REEP3: variants seen among roughly 807,000 people sequenced by gnomAD.
The protein encoded by REEP3 is receptor accessory protein 3, also known as receptor expression-enhancing protein 3.
In REEP3, 20 loss-of-function variants were observed where a neutral mutation model predicts 41.3. That is an observed-to-expected ratio of 0.48 (90% confidence interval 0.34 to 0.70). The LOEUF (loss-of-function observed/expected upper bound fraction) is 0.70. Among genes scored for constraint, REEP3 ranks in the 30% least tolerant of loss-of-function variants. The pLI is 0.01. For missense variants in REEP3, 271 were observed against 308.8 expected (o/e 0.88, Z 0.92); for synonymous variants, 104 against 101.8 (o/e 1.02, Z -0.13).
rs1274223677 is a variant in REEP3 at position 63,599,234 on chromosome 10, G to A, written c.368G>A (p.Arg123Gln). 5.7e-6 allele frequency: 9 copies of A among 1,588,174 alleles called. No homozygotes were observed. Among genetic ancestry groups the A allele is most frequent in the African/African-American group, 1.4e-5 (1 of 73,362 alleles). ...TATGAAACCATGGTAAACTTTGGAC[G>A]GCAAGGTTTAAACCTTGCAGCTACT... ...RGYETMVNFGRQGLNLAATAA... is the reference protein window; with the variant it reads ...RGYETMVNFGQQGLNLAATAA... The change falls in exon 5 of 8, where the codon CGG becomes CAG. Residue 123 changes from arginine to glutamine, a missense_variant. Coordinates refer to ENST00000373758, the MANE Select transcript of REEP3 (RefSeq NM_001001330.3).
intron 2 of REEP3, among the ~76,000 whole-genome samples, chr10:63,569,352 C>T (rs1955832505): frequency 6.6e-6 from 1 of 151,894 alleles, no homozygotes; most frequent in Non-Finnish European, 1.5e-5. Context: ...AACATTGGGC[C>T]CATTTCACCT....
At chr10:63,571,897 A>G (rs1474090009) in intron 2 of REEP3, among the ~76,000 whole-genome samples, 2 of 152,204 alleles carry the variant, frequency 1.3e-5, no homozygotes, top group Non-Finnish European at 2.9e-5. Context: ...TATTTTATTC[A>G]TTCTATTCTA....
At chr10:63,561,175 C>T (rs1955736197) in intron 1 of REEP3, among the ~76,000 whole-genome samples, 1 of 152,112 alleles carries the variant, frequency 6.6e-6, no homozygotes, top group South Asian at 2.1e-4. Context: ...AGCACCAAAT[C>T]CTTCGTATGT....
intron 1 of REEP3, among the ~76,000 whole-genome samples, chr10:63,549,795 A>G (rs1955611424): frequency 6.6e-6 from 1 of 152,234 alleles, no homozygotes; most frequent in Non-Finnish European, 1.5e-5. Flanking sequence ...GGAAGCTAGA[A>G]TGATCCACGT....
intron 1 of REEP3, among the ~76,000 whole-genome samples, chr10:63,563,500 A>T (rs1955763495): frequency 6.6e-6 from 1 of 152,112 alleles, no homozygotes; most frequent in Non-Finnish European, 1.5e-5. Flanking sequence ...GATGCCTGAA[A>T]CCACGGATAA....
At chr10:63,550,546 GA>G (rs1955618652) in intron 1 of REEP3, among the ~76,000 whole-genome samples, 1 of 152,146 alleles carries the variant, frequency 6.6e-6, no homozygotes, top group African/African-American at 2.4e-5. Flanking sequence ...TAGGGGTGGG[GA>G]TAAGTTAAAT....
At chr10:63,616,890 G>A (rs1027165273) in intron 6 of REEP3, among the ~76,000 whole-genome samples, 6 of 151,778 alleles carry the variant, frequency 4.0e-5, no homozygotes, top group African/African-American at 7.3e-5. Flanking sequence ...TAAGAATTTG[G>A]CAAGTAAAAA....
At position 63,538,195 on chromosome 10, in the gene REEP3, C is replaced by T. The variant is rs1161860705; in HGVS notation, c.32+16618C>T. ...TCTTATTTTTCATGATATTTCTTGCCTATTTTGTTAGTTTAGCCTATCAAA... is the reference window on the plus strand; with the variant it reads ...TCTTATTTTTCATGATATTTCTTGCTTATTTTGTTAGTTTAGCCTATCAAA... On this transcript the variant is annotated intron_variant, in intron 1 of 7. Coordinates refer to ENST00000373758, the MANE Select transcript of REEP3 (RefSeq NM_001001330.3). Among the ~76,000 whole-genome samples, 4 of 152,052 alleles carry T rather than the reference C, an allele frequency of 2.6e-5. No individual in the cohort carries two copies. The South Asian group carries it at 6.2e-4, about 24-fold the overall frequency.
intron 1 of REEP3, among the ~76,000 whole-genome samples, chr10:63,557,368 T>A (rs1401599518): frequency 1.3e-5 from 2 of 152,230 alleles, no homozygotes. Flanking sequence ...TAATGAGTTT[T>A]TGACTATTTC....
At chr10:63,599,309 C>A in intron 5 of REEP3, 26 bp downstream of exon 5, 2 of 1,047,562 alleles carry the variant, frequency 1.9e-6, no homozygotes, top group Non-Finnish European at 2.8e-6. Context: ...CCTTTTTAAT[C>A]CAATGTCATA....
At chr10:63,567,175 C>T (rs1440226796) in intron 2 of REEP3, among the ~76,000 whole-genome samples, 2 of 152,084 alleles carry the variant, frequency 1.3e-5, no homozygotes, top group African/African-American at 4.8e-5. Context: ...GAGATAACAG[C>T]ACATCAATAA....
chr10:63,599,610 C>A, intron 5 of REEP3: 1 of 750,764 alleles, frequency 1.3e-6, no homozygotes, highest in Non-Finnish European at 1.6e-6. Context: ...ATTTCTCTGT[C>A]TTTGGTGTTC....
chr10:63,618,295 G>T (rs1356559203), intron 6 of REEP3, among the ~76,000 whole-genome samples: 20 of 132,318 alleles, frequency 1.5e-4, no homozygotes, highest in Admixed American at 1.5e-3. Flanking sequence ...ACCCAGGCTG[G>T]AGTGCAGTGG....
intron 1 of REEP3, among the ~76,000 whole-genome samples, chr10:63,547,237 A>G (rs1009833206): frequency 6.6e-6 from 1 of 152,188 alleles, no homozygotes; most frequent in Non-Finnish European, 1.5e-5. Flanking sequence ...CACGACTTTA[A>G]GATAACCAAA....
chr10:63,605,976 G>C (rs12779973), intron 5 of REEP3: 53,254 of 241,910 alleles, frequency 0.22, 6,698 homozygotes, highest in Non-Finnish European at 0.27. Context: ...TTTAGTGCCA[G>C]CTGAAGTTCA....
chr10:63,598,202 A>G (rs1956134616), intron 4 of REEP3, 58 bp downstream of exon 4: 3 of 1,281,740 alleles, frequency 2.3e-6, no homozygotes, highest in Non-Finnish European at 3.2e-6. Context: ...AGCGGAGGCC[A>G]GGTGTGGTGG....
intron 6 of REEP3, among the ~76,000 whole-genome samples, chr10:63,611,176 G>T (rs557279344): frequency 6.6e-6 from 1 of 152,264 alleles, no homozygotes; most frequent in South Asian, 2.1e-4. Context: ...TGTAGGTGTG[G>T]TTACCAACAC....
At chr10:63,588,640 C>T (rs1956029666) in intron 2 of REEP3, among the ~76,000 whole-genome samples, 1 of 151,898 alleles carries the variant, frequency 6.6e-6, no homozygotes, top group Non-Finnish European at 1.5e-5. Flanking sequence ...CATCAGTGAT[C>T]AAAATAAAAG....
chr10:63,583,067 C>T (rs1258993946), intron 2 of REEP3, among the ~76,000 whole-genome samples: 1 of 152,072 alleles, frequency 6.6e-6, no homozygotes, highest in Non-Finnish European at 1.5e-5. Flanking sequence ...CTCACTGCAA[C>T]CTCCGCCTCC....
Sources: allele counts gnomAD v4.1 joint callset (sites outside exome capture counted in the v4.1 genomes callset), GRCh38; gene constraint gnomAD v4.1.1; transcripts MANE v1.5; gene names NCBI Gene and HGNC (gene_info 2026-07-23, HGNC 2026-07-21).